IGF1R: variants seen among roughly 807,000 people sequenced by gnomAD.
The protein encoded by IGF1R is insulin like growth factor 1 receptor.
In IGF1R, 44 loss-of-function variants were observed where a neutral mutation model predicts 144.6. That is an observed-to-expected ratio of 0.30 (90% CI 0.24 to 0.39). IGF1R has a LOEUF of 0.39. Among genes scored for constraint, IGF1R ranks in the 10% least tolerant of loss-of-function variants. The pLI is 1.00. For synonymous variants in IGF1R, 795 were observed against 722.8 expected (o/e 1.10, Z -1.60); for missense variants, 1,355 against 1,833.7 (o/e 0.74, Z 4.77).
intron 2 of IGF1R, among the ~76,000 whole-genome samples, chr15:98,812,082 G>A (rs1159949072): frequency 6.6e-6 from 1 of 152,194 alleles, no homozygotes; most frequent in East Asian, 1.9e-4. Context: ...ATAAAGTATA[G>A]TTTAATAGCC....
At chr15:98,927,339 C>T (rs991526164) in intron 13 of IGF1R, among the ~76,000 whole-genome samples, 1 of 152,210 alleles carries the variant, frequency 6.6e-6, no homozygotes. Context: ...AGGCAACTGC[C>T]TTCCTTTTAG....
In IGF1R at chr15:98,959,775, A is replaced by T. The variant is rs1422753949; in HGVS notation, c.*2333A>T. 4.3e-6 allele frequency: 1 copy of T among 233,286 alleles called. No homozygotes were observed. The highest frequency in any genetic ancestry group is 2.2e-5 in the African/African-American group (1 of 45,330). The allele number at this position is 233,286 out of a possible 1,614,324, so 14.5% of individuals were successfully genotyped here. On this transcript the variant is annotated 3_prime_UTR_variant, in exon 21 of 21. Transcript: ENST00000650285. ...TGACTGAAGATTCAACACAGAAAAG[A>T]AAGTTTATACGGCTTTTTTGCTGGT...
intron 2 of IGF1R, among the ~76,000 whole-genome samples, chr15:98,719,487 A>G (rs749686686): frequency 6.6e-6 from 1 of 152,194 alleles, no homozygotes; most frequent in Non-Finnish European, 1.5e-5. Context: ...CTCCTTGGAA[A>G]AGTCACTGGG....
intron 2 of IGF1R, among the ~76,000 whole-genome samples, chr15:98,780,273 G>A (rs531600775): frequency 2.0e-5 from 3 of 152,128 alleles, no homozygotes; most frequent in East Asian, 1.9e-4. Context: ...AGAGTAGGCC[G>A]GGTGTGGTGG....
rs1419987933 is a variant in IGF1R, at chr15:98,948,684, A to G, written c.3698A>G (p.Lys1233Arg). 1 of 1,614,188 alleles carries G rather than the reference A, an allele frequency of 6.2e-7. No individual in the cohort carries two copies. The highest frequency in any genetic ancestry group is 1.7e-5 in the Admixed American group (1 of 60,026). ...GTCATGGAGGGCGGCCTTCTGGACA[A>G]GCCAGACAACTGTCCTGACATGCTG... ...RFVMEGGLLD[K>R]PDNCPDMLFE... The change falls in exon 20 of 21, where the codon AAG (lysine) becomes AGG (arginine). Residue 1233 changes from lysine to arginine, a missense_variant. Around this residue, in one of 7 missense-constraint regions of IGF1R, gnomAD observed 219 missense variants for 188.8 expected, o/e 1.16. Coordinates refer to ENST00000650285, the MANE Select transcript of IGF1R (RefSeq NM_000875.5).
chr15:98,666,708 T>C (rs2052748620), intron 1 of IGF1R, among the ~76,000 whole-genome samples: 1 of 151,536 alleles, frequency 6.6e-6, no homozygotes, highest in African/African-American at 2.4e-5. Context: ...AGACGGAAAG[T>C]AGAATGGTGA....
At chr15:98,702,932 G>A (rs913689467) in intron 1 of IGF1R, among the ~76,000 whole-genome samples, 5 of 152,052 alleles carry the variant, frequency 3.3e-5, no homozygotes, top group Non-Finnish European at 7.4e-5. Context: ...GTGAGACCAC[G>A]TCTCAAAAAA....
chr15:98,888,302 A>G (rs2013737824), intron 2 of IGF1R, among the ~76,000 whole-genome samples: 1 of 152,212 alleles, frequency 6.6e-6, no homozygotes, highest in South Asian at 2.1e-4. Context: ...TTCTGTTGTG[A>G]CCAGTTTAAA....
At chr15:98,843,066 G>A (rs948481471) in intron 2 of IGF1R, among the ~76,000 whole-genome samples, 23 of 152,142 alleles carry the variant, frequency 1.5e-4, no homozygotes, top group African/African-American at 3.1e-4. Context: ...TTCCTCTTGC[G>A]TCATTAAGTT....
intron 1 of IGF1R, among the ~76,000 whole-genome samples, chr15:98,700,500 G>A (rs777039499): frequency 1.1e-4 from 17 of 152,108 alleles, no homozygotes; most frequent in Non-Finnish European, 1.8e-4. Flanking sequence ...CATCACCTGG[G>A]TGCATATTAG....
At chr15:98,841,413 C>G (rs976566127) in intron 2 of IGF1R, among the ~76,000 whole-genome samples, 1 of 152,148 alleles carries the variant, frequency 6.6e-6, no homozygotes, top group East Asian at 1.9e-4. Context: ...AGTTACTATA[C>G]GTAAAGTTTT....
chr15:98,765,036 C>T (rs2055400364), intron 2 of IGF1R, among the ~76,000 whole-genome samples: 1 of 152,166 alleles, frequency 6.6e-6, no homozygotes, highest in Admixed American at 6.5e-5. Flanking sequence ...ACCTATTTTG[C>T]ATAGTGCATA....
chr15:98,837,587 A>G (rs2011109797), intron 2 of IGF1R, among the ~76,000 whole-genome samples: 1 of 150,832 alleles, frequency 6.6e-6, no homozygotes, highest in Admixed American at 6.6e-5. Context: ...CTGGTCTCGA[A>G]CTCCTGGCCT....
chr15:98,954,441 A>G (rs1287812842), intron 20 of IGF1R: 1 of 152,172 alleles, frequency 6.6e-6, no homozygotes, highest in Non-Finnish European at 1.5e-5. Flanking sequence ...GAGTTTTATC[A>G]GCTCACACAT....
In IGF1R at chr15:98,960,071, CTTA is replaced by C. The variant is rs1439216327; in HGVS notation, c.*2632_*2634del. ...CCCCCAAACATTTATCTACCTCACT[CTTA>C]TTTTTTATATGTGTATATAGACAAA... On this transcript the variant is annotated 3_prime_UTR_variant, in exon 21 of 21. Coordinates refer to ENST00000650285, the MANE Select transcript of IGF1R (RefSeq NM_000875.5). 4.3e-6 allele frequency: 1 copy of C among 233,368 alleles called. No individual in the cohort carries two copies. The highest frequency in any genetic ancestry group is 6.0e-5 in the East Asian group (1 of 16,582). The allele number at this position is 233,368 out of a possible 1,614,324, so 14.5% of individuals were successfully genotyped here. A position where few individuals can be genotyped will look rare whatever the true frequency, so the allele number is the denominator to read the frequency against.
chr15:98,858,473 A>G (rs988419773), intron 2 of IGF1R, among the ~76,000 whole-genome samples: 43 of 152,198 alleles, frequency 2.8e-4, no homozygotes, highest in Non-Finnish European at 1.3e-4. Context: ...GTTATATTTA[A>G]TTTTCCTCCT....
At chr15:98,716,847 C>A (rs908476022) in intron 2 of IGF1R, among the ~76,000 whole-genome samples, 10 of 152,086 alleles carry the variant, frequency 6.6e-5, no homozygotes, top group African/African-American at 2.2e-4. Context: ...TCAGCTTGGC[C>A]GCTGTTAGGT....
At chr15:98,792,819 G>T (rs1297784934) in intron 2 of IGF1R, among the ~76,000 whole-genome samples, 1 of 152,162 alleles carries the variant, frequency 6.6e-6, no homozygotes, top group Non-Finnish European at 1.5e-5. Flanking sequence ...TTTTGTTTTG[G>T]TTCAATAAGA....
At chr15:98,950,235 C>T (rs1288381322) in intron 20 of IGF1R, among the ~76,000 whole-genome samples, 1 of 152,248 alleles carries the variant, frequency 6.6e-6, no homozygotes, top group Non-Finnish European at 1.5e-5. Flanking sequence ...GCTGGGCCCA[C>T]AGTGGCGGGA....
Sources: gnomAD v4.1 joint callset for allele counts (sites outside exome capture counted in the v4.1 genomes callset) on GRCh38, gnomAD v4.1.1 for gene constraint, gnomAD v4.1.1 regional missense constraint, MANE v1.5 for transcripts, NCBI Gene and HGNC (gene_info 2026-07-23, HGNC 2026-07-21) for gene names.